Variants in ICA1 observed in about 807,000 individuals in gnomAD.
ICA1 encodes islet cell autoantigen 1, also known as 69 kDa islet cell autoantigen.
ICA1 carries 40 observed loss-of-function variants against 71.0 expected under a neutral mutation model. The observed-to-expected ratio is 0.56, with a 90% confidence interval of 0.44 to 0.73. The LOEUF is 0.73. Among genes scored for constraint, ICA1 ranks in the 30% least tolerant of loss-of-function variants. The pLI is 0.00. For missense variants in ICA1, 578 were observed against 576.5 expected (o/e 1.00, Z -0.03); for synonymous variants, 207 against 209.5 (o/e 0.99, Z 0.10).
intron 6 of ICA1, among the ~76,000 whole-genome samples, chr7:8,162,199 A>G (rs1360455114): frequency 6.6e-6 from 1 of 152,242 alleles, no homozygotes; most frequent in Non-Finnish European, 1.5e-5. Context: ...CTCATGAATT[A>G]GCGTAGTTTG....
At chr7:8,162,955 G>A (rs1804450140) in intron 6 of ICA1, among the ~76,000 whole-genome samples, 1 of 152,256 alleles carries the variant, frequency 6.6e-6, no homozygotes, top group Admixed American at 6.5e-5. Context: ...GTAGAGATAC[G>A]GTTTCACCAT....
rs182030502 is a variant in ICA1 at position 8,113,794 on chromosome 7, G to A, written c.*129C>T. 213 of 980,112 alleles carry A rather than the reference G, an allele frequency of 2.2e-4. 2 individuals are homozygous for A. The Middle Eastern group carries it at 3.2e-3, about 15-fold the overall frequency. The allele number at this position is 980,112 out of a possible 1,614,324, so 60.7% of individuals were successfully genotyped here. A position where few individuals can be genotyped will look rare whatever the true frequency, so the allele number is the denominator to read the frequency against. On this transcript the variant is annotated 3_prime_UTR_variant, in exon 14 of 14. Coordinates refer to ENST00000402384, the MANE Select transcript of ICA1 (RefSeq NM_001136020.3). The surrounding 1 kb of genome is among the most constrained non-coding windows in gnomAD (Gnocchi z 4.2). ...TAATTATACCAATATAAACAGGGCC[G>A]TTGACCCTTTCATTTTATTAAAATG...
chr7:8,228,572 A>T, intron 4 of ICA1, 29 bp downstream of exon 4: 4 of 1,345,756 alleles, frequency 3.0e-6, no homozygotes, highest in Non-Finnish European at 3.1e-6. Flanking sequence ...TTACTATTTG[A>T]TCAATATTCA....
intron 6 of ICA1, among the ~76,000 whole-genome samples, chr7:8,182,760 T>C (rs1264185362): frequency 6.6e-6 from 1 of 152,244 alleles, no homozygotes; most frequent in African/African-American, 2.4e-5. Context: ...ATTTTTGTAT[T>C]GTATGTTACA....
chr7:8,242,725 A>C (rs1469457037), intron 1 of ICA1, among the ~76,000 whole-genome samples: 1 of 152,226 alleles, frequency 6.6e-6, no homozygotes, highest in Non-Finnish European at 1.5e-5. Flanking sequence ...AAAAATGATA[A>C]AGGGGATATC....
intron 1 of ICA1, among the ~76,000 whole-genome samples, chr7:8,253,832 A>G (rs1429363008): frequency 1.3e-5 from 2 of 152,194 alleles, no homozygotes; most frequent in South Asian, 2.1e-4. Context: ...TTTAATTCAT[A>G]TGTACATAGA....
intron 8 of ICA1, chr7:8,156,842 C>A: frequency 6.7e-7 from 1 of 1,490,194 alleles, no homozygotes; most frequent in South Asian, 1.4e-5. Context: ...CACAATTCAT[C>A]TCCCAGGAAC....
At chr7:8,219,355 T>C (rs1411359683) in intron 5 of ICA1, among the ~76,000 whole-genome samples, 14 of 152,244 alleles carry the variant, frequency 9.2e-5, no homozygotes, top group Admixed American at 9.2e-4. Flanking sequence ...AATGAATATT[T>C]AAATTTCAAT....
chr7:8,198,227 C>A (rs1225532155), intron 6 of ICA1, among the ~76,000 whole-genome samples: 2 of 152,230 alleles, frequency 1.3e-5, no homozygotes, highest in African/African-American at 2.4e-5. Flanking sequence ...TTGTGGACTT[C>A]TATTCTCTTT....
chr7:8,140,820 G>T (rs946820965), intron 10 of ICA1, among the ~76,000 whole-genome samples: 4 of 152,198 alleles, frequency 2.6e-5, no homozygotes, highest in African/African-American at 9.6e-5. Flanking sequence ...AAAGCAAATA[G>T]GAGGAGAAGC....
intron 6 of ICA1, among the ~76,000 whole-genome samples, chr7:8,214,348 T>C (rs1408030135): frequency 6.6e-6 from 1 of 152,196 alleles, no homozygotes; most frequent in Non-Finnish European, 1.5e-5. Context: ...AATCATACCC[T>C]TTTACTCTGC....
intron 12 of ICA1, among the ~76,000 whole-genome samples, chr7:8,133,408 C>A (rs1027353396): frequency 6.6e-6 from 1 of 152,186 alleles, no homozygotes; most frequent in African/African-American, 2.4e-5. Context: ...GGACTACAGG[C>A]ACATGCCACC....
At chr7:8,236,472 T>G (rs1351759183) in intron 1 of ICA1, among the ~76,000 whole-genome samples, 1 of 152,214 alleles carries the variant, frequency 6.6e-6, no homozygotes, top group African/African-American at 2.4e-5. Context: ...TTTGTGAAGC[T>G]AGGTGGTGAA....
chr7:8,118,920 C>A (rs917074252), intron 13 of ICA1, among the ~76,000 whole-genome samples: 1 of 152,194 alleles, frequency 6.6e-6, no homozygotes, highest in African/African-American at 2.4e-5. Context: ...CCAATGCTGA[C>A]CTACTGAATC....
rs544064732 is a variant in ICA1 at position 8,240,914 on chromosome 7, G to A, written c.-79-4909C>T. On this transcript the variant is annotated intron_variant, in intron 1 of 13. Coordinates refer to ENST00000402384, the MANE Select transcript of ICA1 (RefSeq NM_001136020.3). ...AAGCCTCCAAGAAATAAGGGACTAT[G>A]TGAAAAGACCAAATCTATGCTTGAC... 2.0e-5 allele frequency among the ~76,000 whole-genome samples: 3 copies of A among 152,338 alleles called. No individual in the cohort carries two copies. In the South Asian group the frequency reaches 6.2e-4, roughly 32 times the overall value.
At chr7:8,211,528 G>C (rs112833039) in intron 6 of ICA1, among the ~76,000 whole-genome samples, 1,309 of 28,720 alleles carry the variant, frequency 0.046, 18 homozygotes, top group African/African-American at 0.16. Context: ...TGCTCTGTAG[G>C]AGTGGGAGGA....
At chr7:8,229,234 C>T (rs913284664) in intron 3 of ICA1, among the ~76,000 whole-genome samples, 1 of 152,162 alleles carries the variant, frequency 6.6e-6, no homozygotes, top group Admixed American at 6.5e-5. Context: ...GGCAAGCAGT[C>T]CCCATCACTC....
At chr7:8,246,588 G>A (rs1806117046) in intron 1 of ICA1, among the ~76,000 whole-genome samples, 1 of 152,148 alleles carries the variant, frequency 6.6e-6, no homozygotes, top group African/African-American at 2.4e-5. Flanking sequence ...TCACCTCATG[G>A]TCCAAAGCCA....
rs572457328 is a variant in ICA1 at position 8,153,505 on chromosome 7, T to G, written c.804+3611A>C. ...ACTCTACTTATGAGGTCTTTTTTTTTCCCCCTTGATAATGTCTGCTCGGCA... is the reference window on the plus strand; with the variant it reads ...ACTCTACTTATGAGGTCTTTTTTTTGCCCCCTTGATAATGTCTGCTCGGCA... On this transcript the variant is annotated intron_variant, in intron 8 of 13. Transcript: ENST00000402384. Among the ~76,000 whole-genome samples, 43 of 152,180 alleles carry G rather than the reference T, an allele frequency of 2.8e-4. No individual in the cohort carries two copies. In the South Asian group the frequency reaches 8.1e-3, roughly 29 times the overall value.
Sources: allele counts gnomAD v4.1 joint callset (sites outside exome capture counted in the v4.1 genomes callset), GRCh38; gene constraint gnomAD v4.1.1; non-coding constraint Gnocchi (gnomAD v3.1); transcripts MANE v1.5; gene names NCBI Gene and HGNC (gene_info 2026-07-23, HGNC 2026-07-21).